LRRTM3: variants seen among roughly 807,000 people sequenced by gnomAD.
The protein encoded by LRRTM3 is leucine rich repeat transmembrane neuronal 3.
Under a neutral mutation model 44.7 loss-of-function variants are expected in LRRTM3, and 24 were observed. The ratio of observed to expected loss-of-function variants is 0.54; its 90% CI spans 0.39 to 0.76. The LOEUF is 0.76. LRRTM3 is among the 30% of genes least tolerant of loss of function. LRRTM3 has a pLI of 0.00. For missense variants in LRRTM3, 587 were observed against 702.2 expected, an observed-to-expected ratio of 0.84 and a Z score of 1.85; for synonymous variants, 277 against 278.7, an observed-to-expected ratio of 0.99 and a Z score of 0.06.
rs932589170 is a variant in LRRTM3, at chr10:66,968,889, T to C, written c.1536+40437T>C. Among the ~76,000 whole-genome samples the C allele has an allele frequency of 1.4e-4, 22 of 151,920 alleles. 1 individual carries two copies. The highest frequency in any genetic ancestry group is 4.1e-4 in the African/African-American group (17 of 41,314). On this transcript the variant is annotated intron_variant, in intron 2 of 2. Transcript: ENST00000361320. ...AAAATTAGCTGGGTGTGGTGGCATG[T>C]GCCTGTAATCCTAGCTGCTGGGGGC...
chr10:67,078,673 C>CA (rs1344038844), intron 2 of LRRTM3, among the ~76,000 whole-genome samples: 1 of 152,088 alleles, frequency 6.6e-6, no homozygotes, highest in Non-Finnish European at 1.5e-5. Flanking sequence ...CCCACCACCA[C>CA]ACCTGGCTAA....
chr10:67,003,571 GA>G lies in LRRTM3; in HGVS notation c.1536+75122del, dbSNP rs1445695901. ...AGGCTCTTATAAGTCCTGAAGTAAA[GA>G]AATATTTTATCTACATTTAACTCAC... On this transcript the variant is annotated intron_variant, in intron 2 of 2. Transcript: ENST00000361320. Among the ~76,000 whole-genome samples the G allele has an allele frequency of 2.0e-5, 3 of 152,220 alleles. No homozygotes were observed. The East Asian group carries it at 5.8e-4, about 29-fold the overall frequency.
chr10:67,072,766 C>A (rs148043987), intron 2 of LRRTM3, among the ~76,000 whole-genome samples: 3 of 152,164 alleles, frequency 2.0e-5, no homozygotes, highest in Non-Finnish European at 4.4e-5. Context: ...CTAACAGCTA[C>A]AAAATTTGGT....
intron 2 of LRRTM3, among the ~76,000 whole-genome samples, chr10:67,092,693 A>G (rs1167876976): frequency 6.6e-6 from 1 of 151,982 alleles, no homozygotes; most frequent in East Asian, 1.9e-4. Context: ...TATGAATGGG[A>G]AAAAGACCAT....
intron 2 of LRRTM3, among the ~76,000 whole-genome samples, chr10:66,939,144 T>C (rs2132672324): frequency 1.3e-5 from 2 of 152,234 alleles, no homozygotes; most frequent in South Asian, 4.2e-4. Context: ...CCTCCAACAC[T>C]CAGAAGCTGA....
intron 2 of LRRTM3, among the ~76,000 whole-genome samples, chr10:66,960,112 C>A (rs776960391): frequency 6.6e-6 from 1 of 152,042 alleles, no homozygotes; most frequent in Non-Finnish European, 1.5e-5. Flanking sequence ...AAAAATATTT[C>A]TTTCTCTCCT....
intron 2 of LRRTM3, among the ~76,000 whole-genome samples, chr10:66,932,116 C>A (rs934105304): frequency 2.6e-5 from 4 of 152,124 alleles, no homozygotes; most frequent in African/African-American, 9.7e-5. Flanking sequence ...CCTCCCTCCC[C>A]CTTTTCAGCC....
chr10:66,978,541 A>ATAAAAAAAAT (rs1437563245), intron 2 of LRRTM3, among the ~76,000 whole-genome samples: 2 of 111,196 alleles, frequency 1.8e-5, no homozygotes, highest in African/African-American at 3.3e-5. Flanking sequence ...AAAAAAAAAA[A>ATAAAAAAAAT]AAAAAAAAAA....
At chr10:66,998,194 T>C (rs1674954826) in intron 2 of LRRTM3, among the ~76,000 whole-genome samples, 1 of 152,246 alleles carries the variant, frequency 6.6e-6, no homozygotes. Context: ...ACCAGATTTA[T>C]GTCTCATCTA....
chr10:67,034,088 A>G (rs1382758017), intron 2 of LRRTM3, among the ~76,000 whole-genome samples: 1 of 152,136 alleles, frequency 6.6e-6, no homozygotes, highest in Non-Finnish European at 1.5e-5. Context: ...GCTTCTTAAA[A>G]GGAAAAATAA....
Position 67,013,154 on chromosome 10 carries a change from A to T in LRRTM3, c.1537-84433A>T, listed in dbSNP as rs187544020. 15 of 152,296 alleles carry T rather than the reference A, an allele frequency of 9.8e-5. No individual in the cohort carries two copies. The East Asian group carries it at 2.7e-3, about 27-fold the overall frequency. The allele number at this position is 152,296 out of a possible 1,614,324, so 9.4% of individuals were successfully genotyped here. Reference sequence around the variant, plus strand: ...AGGCTCAGAGAAGTTAGGTGAAAAGACTAAAGTCAAAAATGCTAATGGGTG... The same window carrying T: ...AGGCTCAGAGAAGTTAGGTGAAAAGTCTAAAGTCAAAAATGCTAATGGGTG... On this transcript the variant is annotated intron_variant, in intron 2 of 2. Transcript: ENST00000361320.
chr10:66,970,883 T>A (rs1456090035), intron 2 of LRRTM3, among the ~76,000 whole-genome samples: 1 of 152,100 alleles, frequency 6.6e-6, no homozygotes, highest in Non-Finnish European at 1.5e-5. Context: ...ATAATACAGA[T>A]CTCAAGAATT....
chr10:66,965,565 GT>G (rs33920200), intron 2 of LRRTM3, among the ~76,000 whole-genome samples: 95,505 of 134,314 alleles, frequency 0.71, 34,239 homozygotes, highest in South Asian at 0.8. Flanking sequence ...AAAAAAAGCT[GT>G]TTTTTTTTTT....
chr10:67,034,062 G>A lies in LRRTM3; in HGVS notation c.1537-63525G>A, dbSNP rs1010681140. 1.9e-4 allele frequency among the ~76,000 whole-genome samples: 29 copies of A among 152,194 alleles called. No homozygotes were observed. The Middle Eastern group carries it at 0.01, about 54-fold the overall frequency. On this transcript the variant is annotated intron_variant, in intron 2 of 2. Coordinates refer to ENST00000361320, the MANE Select transcript of LRRTM3 (RefSeq NM_178011.5). ...GCTGAGACTACAGGCGTGAGCCACC[G>A]CGCCCGGCCTATACTGCTTCTTAAA... is the stretch of plus-strand genomic sequence containing the variant.
At chr10:66,978,552 A>AAAATAAAAAAAAAAAAAAAATATATATAT in intron 2 of LRRTM3, among the ~76,000 whole-genome samples, 2 of 37,866 alleles carry the variant, frequency 5.3e-5, no homozygotes, top group Non-Finnish European at 9.7e-5. Flanking sequence ...AAAAAAAAAA[A>AAAATAAAAAAAAAAAAAAAATATATATAT]ATATATATAT....
At chr10:67,049,045 G>A (rs1055248122) in intron 2 of LRRTM3, among the ~76,000 whole-genome samples, 1 of 79,650 alleles carries the variant, frequency 1.3e-5, no homozygotes, top group African/African-American at 4.9e-5. Flanking sequence ...TTTTTTTTTT[G>A]TACTCTTCTT....
At position 66,926,189 on chromosome 10, in the gene LRRTM3, G is replaced by A; in HGVS notation, c.-395G>A. The A allele has an allele frequency of 2.2e-6, 1 of 458,212 alleles. No homozygotes were observed. Among genetic ancestry groups the A allele is most frequent in the South Asian group, 1.6e-5 (1 of 63,084 alleles). 28.4% of individuals were successfully genotyped at this position (458,212 alleles called of 1,614,324 possible). On this transcript the variant is annotated 5_prime_UTR_variant, in exon 1 of 3. The change creates a premature stop within an existing upstream ORF in the 5' untranslated region. Transcript: ENST00000361320. ...TGCTGGGGTATGGAATACAGATGTG[G>A]CAGCTCAGGTAGCCCCAAATTGCCT...
At position 67,100,309 on chromosome 10, in the gene LRRTM3, A is replaced by T. The variant is rs1192776346; in HGVS notation, c.*2513A>T. 6.6e-6 allele frequency among the ~76,000 whole-genome samples: 1 copy of T among 151,792 alleles called. No individual in the cohort carries two copies. Among genetic ancestry groups the T allele is most frequent in the Non-Finnish European group, 1.5e-5 (1 of 67,806 alleles). On this transcript the variant is annotated 3_prime_UTR_variant, in exon 3 of 3. Transcript: ENST00000361320. The stretch of plus-strand genomic sequence containing the variant: ...GGCCCTAAGCTACACCAAATACGCC[A>T]GGAATTTTGAGACTTCTCATCTTTA...
intron 2 of LRRTM3, among the ~76,000 whole-genome samples, chr10:67,094,200 T>A (rs2131920722): frequency 6.6e-6 from 1 of 152,012 alleles, no homozygotes; most frequent in East Asian, 1.9e-4. Flanking sequence ...AGCAAAAATA[T>A]CCCTCCCTTA....
Sources: gnomAD v4.1 joint callset for allele counts (sites outside exome capture counted in the v4.1 genomes callset) on GRCh38, gnomAD v4.1.1 for gene constraint, MANE v1.5 for transcripts, NCBI Gene and HGNC (gene_info 2026-07-23, HGNC 2026-07-21) for gene names.